The following HPN variants were observed in gnomAD, a reference collection of about 807,000 sequenced individuals.
The protein encoded by HPN is hepsin.
In HPN, 13 loss-of-function variants were observed where a neutral mutation model predicts 55.9. The observed-to-expected ratio is 0.23, with a 90% confidence interval of 0.15 to 0.37. The LOEUF (loss-of-function observed/expected upper bound fraction) is 0.37. Among genes scored for constraint, HPN ranks in the 10% least tolerant of loss-of-function variants. The pLI is 1.00. For missense variants in HPN, 451 were observed against 575.8 expected (o/e 0.78, Z 2.22); for synonymous variants, 225 against 240.3 (o/e 0.94, Z 0.59).
intron 4 of HPN, among the ~76,000 whole-genome samples, chr19:35,058,873 C>G (rs1459359800): frequency 6.6e-6 from 1 of 152,030 alleles, no homozygotes; most frequent in Non-Finnish European, 1.5e-5. Context: ...ACAAAAAATA[C>G]AATAATAAAA....
intron 8 of HPN, 49 bp downstream of exon 8, chr19:35,060,561 A>G (rs1311772815): frequency 6.2e-7 from 1 of 1,612,032 alleles, no homozygotes; most frequent in Admixed American, 1.7e-5. Context: ...AGGAGCGGAG[A>G]GACAGTGGGG....
intron 1 of HPN, 90 bp downstream of exon 1, chr19:35,041,962 T>C (rs200983436): frequency 8.2e-7 from 1 of 1,217,892 alleles, no homozygotes; most frequent in Admixed American, 3.4e-5. Flanking sequence ...CACCTCCTAA[T>C]AGAGGGGTTC....
intron 2 of HPN, 32 bp downstream of exon 2, chr19:35,042,554 C>G: frequency 6.3e-7 from 1 of 1,578,218 alleles, no homozygotes; most frequent in Non-Finnish European, 8.7e-7. Context: ...CCAGCTTTGG[C>G]TCTGCCTGGC....
At chr19:35,064,150 CAGCAGG>C (rs2064570914) in intron 9 of HPN, among the ~76,000 whole-genome samples, 1 of 5,636 alleles carries the variant, frequency 1.8e-4, no homozygotes, top group Non-Finnish European at 3.0e-3. Flanking sequence ...GTGATGTCAT[CAGCAGG>C]CAGCAGGCAG....
chr19:35,060,908 C>G, intron 9 of HPN, 91 bp downstream of exon 9: 1 of 1,081,574 alleles, frequency 9.2e-7, no homozygotes, highest in Non-Finnish European at 1.3e-6. Flanking sequence ...CAACTTATGG[C>G]TCAGGCATCC....
In HPN at chr19:35,049,857, G is replaced by GT. The variant is rs1245207536; in HGVS notation, c.160+344dup. On this transcript the variant is annotated intron_variant, in intron 4 of 12. Coordinates refer to ENST00000672452, the MANE Select transcript of HPN (RefSeq NM_001384133.1). ...GTAAGTAAAGGTTATGCTAATTTTTGTTTGTTTTTTTTTTTTTTTGCATCC... is the reference window on the plus strand; with the variant it reads ...GTAAGTAAAGGTTATGCTAATTTTTGTTTTGTTTTTTTTTTTTTTTGCATCC... Among the ~76,000 whole-genome samples, 201 of 82,760 alleles carry GT rather than the reference G, an allele frequency of 2.4e-3. 1 individual carries two copies. Among genetic ancestry groups the GT allele is most frequent in the African/African-American group, 6.6e-3 (146 of 22,114 alleles). The allele number at this position is 82,760 out of a possible 152,430, so 54.3% of individuals were successfully genotyped here. A position where few individuals can be genotyped will look rare whatever the true frequency, so the allele number is the denominator to read the frequency against.
rs1297915367 is a variant in HPN, at chr19:35,059,922, C to A, written c.339C>A (p.Gly113=). 6.0e-6 allele frequency: 9 copies of A among 1,512,046 alleles called. No homozygotes were observed. Among genetic ancestry groups the A allele is most frequent in the Non-Finnish European group, 7.1e-6 (8 of 1,131,070 alleles). The allele number at this position is 1,512,046 out of a possible 1,614,324, so 93.7% of individuals were successfully genotyped here. A position where few individuals can be genotyped will look rare whatever the true frequency, so the allele number is the denominator to read the frequency against. Residue 113 remains glycine, a synonymous_variant, in exon 6 of 13, where the codon GGC becomes GGA. Coordinates refer to ENST00000672452, the MANE Select transcript of HPN (RefSeq NM_001384133.1). The part of the protein sequence containing the change: ...ELDVRTAGAN[G]TSGFFCVDEG... Reference sequence around the variant, plus strand: ...ACGTGCGAACGGCGGGCGCCAATGGCACGTCGGGCTTCTTCTGTGTGGACG... The same window carrying A: ...ACGTGCGAACGGCGGGCGCCAATGGAACGTCGGGCTTCTTCTGTGTGGACG...
intron 2 of HPN, among the ~76,000 whole-genome samples, chr19:35,044,540 T>C (rs895810417): frequency 6.6e-6 from 1 of 152,166 alleles, no homozygotes; most frequent in Admixed American, 6.5e-5. Flanking sequence ...CTCCACAAGG[T>C]GGCGCCAGTG....
chr19:35,061,044 C>G (rs1278867786), intron 9 of HPN, among the ~76,000 whole-genome samples: 1 of 152,114 alleles, frequency 6.6e-6, no homozygotes, highest in Admixed American at 6.5e-5. Context: ...ACCATTGGAC[C>G]CAACACTTCC....
chr19:35,058,719 G>A (rs761296930), intron 4 of HPN, among the ~76,000 whole-genome samples: 8 of 151,066 alleles, frequency 5.3e-5, no homozygotes, highest in Non-Finnish European at 1.0e-4. Flanking sequence ...CTACAAACTG[G>A]CAACAAATTT....
At chr19:35,051,280 T>C (rs2064402606) in intron 4 of HPN, among the ~76,000 whole-genome samples, 1 of 152,148 alleles carries the variant, frequency 6.6e-6, no homozygotes, top group South Asian at 2.1e-4. Flanking sequence ...AGCTAATTTT[T>C]GTATTTTTAG....
At position 35,060,522 on chromosome 19, in the gene HPN, C is replaced by T. The variant is rs973112019; in HGVS notation, c.620+10C>T. On this transcript the variant is annotated intron_variant, in intron 8 of 12. Coordinates refer to ENST00000672452, the MANE Select transcript of HPN (RefSeq NM_001384133.1). ...CCCACTGCTTCCCGGAGTGAGTGCC[C>T]CCCAATGGCGCTGATGATGGGGAGG... The T allele has an allele frequency of 7.4e-6, 12 of 1,612,138 alleles. No homozygotes were observed. The Admixed American group carries it at 8.3e-5, about 11-fold the overall frequency.
chr19:35,050,488 G>C (rs762025602), intron 4 of HPN: 1 of 1,288,846 alleles, frequency 7.8e-7, no homozygotes, highest in African/African-American at 1.5e-5. Context: ...GCTGGGGAAC[G>C]AGGGGCCAGG....
chr19:35,061,198 A>C (rs965230827), intron 9 of HPN, among the ~76,000 whole-genome samples: 2 of 152,216 alleles, frequency 1.3e-5, no homozygotes, highest in African/African-American at 2.4e-5. Flanking sequence ...CAAATGCATA[A>C]AGAAAATGTG....
chr19:35,065,119 G>A (rs2064588725), intron 9 of HPN, 131 bp from the exon 10 acceptor site: 1 of 611,448 alleles, frequency 1.6e-6, no homozygotes, highest in Admixed American at 3.0e-5. Flanking sequence ...ACTGTGCCCA[G>A]CCTATTGTGG....
intron 4 of HPN, among the ~76,000 whole-genome samples, chr19:35,052,534 CAAAAA>C (rs5827918): frequency 2.4e-5 from 2 of 84,560 alleles, no homozygotes; most frequent in Non-Finnish European, 2.4e-5. Context: ...GAGTCTGTCT[CAAAAA>C]AAAAAAAAAA....
chr19:35,059,807 TG>T lies in HPN; in HGVS notation c.290+10del. The T allele has an allele frequency of 2.6e-6, 4 of 1,560,778 alleles. No individual in the cohort carries two copies. Among genetic ancestry groups the T allele is most frequent in the Non-Finnish European group, 3.5e-6 (4 of 1,151,816 alleles). The stretch of plus-strand genomic sequence containing the variant: ...CGAGGAGATGGGCTTCCTCAGGTAC[TG>T]GGGGCCCTCGGAGGGGTGGGAGCCG... On this transcript the variant is annotated splice_donor_region_variant and intron_variant, in intron 5 of 12. Transcript: ENST00000672452.
chr19:35,049,341 C>T lies in HPN; in HGVS notation c.68C>T (p.Ala23Val), dbSNP rs147816080. The stretch of plus-strand genomic sequence containing the variant: ...AGACCCAAGGTGGCAGCTCTCACTG[C>T]GGGGACCCTGCTACTTCTGACAGCC... ...CSRPKVAALT[A>V]GTLLLLTAIG... Residue 23 changes from alanine to valine, a missense_variant, in exon 3 of 13, where the codon GCG becomes GTG. By Grantham distance (64) the Ala-to-Val change is moderately conservative (BLOSUM62 0). Transcript: ENST00000672452. The T allele has an allele frequency of 1.9e-5, 31 of 1,600,478 alleles. No individual in the cohort carries two copies. Among genetic ancestry groups the T allele is most frequent in the East Asian group, 9.0e-5 (4 of 44,662 alleles).
upstream of HPN, among the ~76,000 whole-genome samples, chr19:35,040,881 C>A (rs1391271347): frequency 6.6e-6 from 1 of 152,148 alleles, no homozygotes; most frequent in Non-Finnish European, 1.5e-5. Flanking sequence ...GCACAGCGGG[C>A]ACGTGTGGGT....
Sources: gnomAD v4.1 joint callset for allele counts (sites outside exome capture counted in the v4.1 genomes callset) on GRCh38, gnomAD v4.1.1 for gene constraint, MANE v1.5 for transcripts, NCBI Gene and HGNC (gene_info 2026-07-23, HGNC 2026-07-21) for gene names.